The following ERF variants were observed in gnomAD, a reference collection of about 807,000 sequenced individuals.
The protein encoded by ERF is ETS domain-containing transcription factor ERF.
Under a neutral mutation model 41.6 loss-of-function variants are expected in ERF, and 10 were observed. The observed-to-expected ratio is 0.24, with a 90% CI of 0.15 to 0.41. ERF has a LOEUF of 0.41. ERF is among the 10% of genes least tolerant of loss of function. ERF has a pLI of 1.00. For synonymous variants in ERF, 395 were observed against 342.4 expected (o/e 1.15, Z -1.70); for missense variants, 621 against 763.2 (o/e 0.81, Z 2.19).
chr19:42,251,938 C>T (rs888628152), intron 1 of ERF, among the ~76,000 whole-genome samples: 2 of 152,144 alleles, frequency 1.3e-5, no homozygotes, highest in Non-Finnish European at 2.9e-5. Flanking sequence ...CCCAGCCTTC[C>T]ACCAGCCCCT....
Position 42,248,413 on chromosome 19 carries a change from AG to A in ERF, c.*51del. 7.1e-7 allele frequency: 1 copy of A among 1,413,682 alleles called. No homozygotes were observed. The highest frequency in any genetic ancestry group is 9.2e-7 in the Non-Finnish European group (1 of 1,083,308). 87.6% of individuals were successfully genotyped at this position (1,413,682 alleles called of 1,614,324 possible). A position where few individuals can be genotyped will look rare whatever the true frequency, so the allele number is the denominator to read the frequency against. ...CTCCAGGGCATAGGGGGCTTAAGGC[AG>A]CAAAAGAAGCATGGGGGGTGCGGGG... is the stretch of plus-strand genomic sequence containing the variant. On this transcript the variant is annotated 3_prime_UTR_variant, in exon 4 of 4. Coordinates refer to ENST00000222329, the MANE Select transcript of ERF (RefSeq NM_006494.4). This position sits in a 1 kb window ranked among gnomAD's most constrained non-coding sequence, Gnocchi z 4.2.
Position 42,250,027 on chromosome 19 carries a change from G to C in ERF, c.258-85C>G, listed in dbSNP as rs2036418078. On this transcript the variant is annotated intron_variant, in intron 2 of 3. Coordinates refer to ENST00000222329, the MANE Select transcript of ERF (RefSeq NM_006494.4). This position sits in a 1 kb window ranked among gnomAD's most constrained non-coding sequence, Gnocchi z 5.1. ...ACACCTTAACACGCACTTAGGTGTG[G>C]TTCCCAAAGGCCAACTGAGGAACGT... 2 of 1,320,382 alleles carry C rather than the reference G, an allele frequency of 1.5e-6. No homozygotes were observed. Among genetic ancestry groups the C allele is most frequent in the African/African-American group, 2.9e-5 (2 of 68,998 alleles). The allele number at this position is 1,320,382 out of a possible 1,614,324, so 81.8% of individuals were successfully genotyped here. A position where few individuals can be genotyped will look rare whatever the true frequency, so the allele number is the denominator to read the frequency against.
intron 1 of ERF, among the ~76,000 whole-genome samples, chr19:42,252,996 G>A (rs762551750): frequency 2.0e-5 from 3 of 152,198 alleles, no homozygotes; most frequent in African/African-American, 7.2e-5. Context: ...GAGTGCAGAA[G>A]TGGCAGCAGT....
At chr19:42,252,034 C>T (rs150655724) in intron 1 of ERF, among the ~76,000 whole-genome samples, 7 of 152,310 alleles carry the variant, frequency 4.6e-5, no homozygotes, top group African/African-American at 7.2e-5. Flanking sequence ...CCTTTGACAA[C>T]CCCTTCCAGA....
Position 42,248,458 on chromosome 19 carries a change from A to G in ERF, c.*7T>C. On this transcript the variant is annotated 3_prime_UTR_variant, in exon 4 of 4. Transcript: ENST00000222329. The surrounding 1 kb of genome is among the most constrained non-coding windows in gnomAD (Gnocchi z 4.2). ...TGCGGGGCACACAGGTCCCCTGCCC[A>G]CAGCCCTCAGGAGTCTCGGTGCTCC... 1 of 1,483,354 alleles carries G rather than the reference A, an allele frequency of 6.7e-7. No individual in the cohort carries two copies. The highest frequency in any genetic ancestry group is 8.9e-7 in the Non-Finnish European group (1 of 1,117,402). 91.9% of individuals were successfully genotyped at this position (1,483,354 alleles called of 1,614,324 possible). A position where few individuals can be genotyped will look rare whatever the true frequency, so the allele number is the denominator to read the frequency against.
At chr19:42,254,253 C>T (rs1170880242) in intron 1 of ERF, among the ~76,000 whole-genome samples, 2 of 151,670 alleles carry the variant, frequency 1.3e-5, no homozygotes, top group Non-Finnish European at 2.9e-5. Flanking sequence ...CTGCGTCTCC[C>T]CCCACCTTCC....
chr19:42,253,827 G>A (rs866779804), intron 1 of ERF: 2 of 999,870 alleles, frequency 2.0e-6, no homozygotes, highest in Non-Finnish European at 2.4e-6. Flanking sequence ...TGGGTGGGCC[G>A]GTCGGGGCAC....
At chr19:42,253,803 G>GGGT in intron 1 of ERF, 2 of 886,752 alleles carry the variant, frequency 2.3e-6, no homozygotes, top group Non-Finnish European at 1.4e-6. Context: ...GAATGGGGTG[G>GGGT]GGATGGGGTG....
At chr19:42,252,193 T>C (rs4141062) in intron 1 of ERF, among the ~76,000 whole-genome samples, 10,232 of 152,174 alleles carry the variant, frequency 0.067, 445 homozygotes, top group South Asian at 0.18. Flanking sequence ...TGGACCCTCA[T>C]ATCCCCTCCA....
intron 1 of ERF, chr19:42,254,522 G>C (rs1001092823): frequency 1.3e-5 from 2 of 155,328 alleles, no homozygotes; most frequent in African/African-American, 4.8e-5. Flanking sequence ...AGGCCATCCC[G>C]TATCCCCCGC....
chr19:42,253,311 A>G (rs2036475520), intron 1 of ERF, among the ~76,000 whole-genome samples: 2 of 152,104 alleles, frequency 1.3e-5, no homozygotes, highest in African/African-American at 4.8e-5. Context: ...CGGCAGAGAG[A>G]GGGACCGGGA....
Position 42,249,668 on chromosome 19 carries a change from C to T in ERF, c.444G>A (p.Thr148=), listed in dbSNP as rs1310784803. The change falls in exon 4 of 4, where the codon ACG becomes ACA. Residue 148 remains threonine (T), a synonymous_variant. Coordinates refer to ENST00000222329, the MANE Select transcript of ERF (RefSeq NM_006494.4). This position sits in a 1 kb window ranked among gnomAD's most constrained non-coding sequence, Gnocchi z 8.6. The part of the protein sequence containing the change: ...GGSHFRFPPS[T]PSEVLSPTED... ...CGGTGGGGGACAGCACCTCGGAGGG[C>T]GTTGAGGGAGGGAAGCGGAAGTGGC... The T allele has an allele frequency of 1.9e-6, 3 of 1,602,766 alleles. No homozygotes were observed. The highest frequency in any genetic ancestry group is 1.3e-5 in the African/African-American group (1 of 74,724).
intron 1 of ERF, chr19:42,254,481 C>G (rs1406761298): frequency 1.3e-5 from 2 of 153,202 alleles, no homozygotes; most frequent in African/African-American, 4.8e-5. Context: ...GACCCCGAGT[C>G]CCGGGCTCCC....
In ERF at chr19:42,249,484, C is replaced by T; in HGVS notation, c.628G>A (p.Gly210Ser). ...LGEDPRARPP[G>S]PPDLGAFRGP... ...CGGAAGGCACCCAGATCCGGAGGGCCGGGTGGTCGGGCGCGGGGATCCTCT... is the reference window on the plus strand; with the variant it reads ...CGGAAGGCACCCAGATCCGGAGGGCTGGGTGGTCGGGCGCGGGGATCCTCT... Residue 210 changes from glycine (G) to serine (S), a missense_variant, in exon 4 of 4, where the codon GGC becomes AGC. Physicochemically the swap from Gly to Ser is moderately conservative, Grantham distance 56. Transcript: ENST00000222329. The surrounding 1 kb of genome is among the most constrained non-coding windows in gnomAD (Gnocchi z 8.6). 1 of 1,608,502 alleles carries T rather than the reference C, an allele frequency of 6.2e-7. No individual in the cohort carries two copies. Among genetic ancestry groups the T allele is most frequent in the Non-Finnish European group, 8.5e-7 (1 of 1,178,012 alleles).
intron 1 of ERF, chr19:42,253,754 C>G (rs936670878): frequency 1.2e-5 from 7 of 606,756 alleles, no homozygotes; most frequent in Middle Eastern, 8.0e-4. Context: ...AAGCCGCCCC[C>G]ACCCGCCGAG....
At position 42,249,231 on chromosome 19, in the gene ERF, G is replaced by A. The variant is rs746988019; in HGVS notation, c.881C>T (p.Pro294Leu). The change falls in exon 4 of 4, where the codon CCC becomes CTC. Residue 294 changes from proline (P) to leucine (L), a missense_variant. Pro to Leu is a moderately conservative substitution (Grantham distance 98). Around this residue, in one of 3 missense-constraint regions of ERF, gnomAD observed 569 missense variants for 625.5 expected, o/e 0.91. Coordinates refer to ENST00000222329, the MANE Select transcript of ERF (RefSeq NM_006494.4). This position sits in a 1 kb window ranked among gnomAD's most constrained non-coding sequence, Gnocchi z 8.6. ...SPMYPSGGGG[P>L]SGSGGGSHFS... ...GTGGGAGCCTCCCCCTGAGCCGCTG[G>A]GCCCCCCGCCACCACTGGGGTACAT... 2.0e-5 allele frequency: 33 copies of A among 1,613,160 alleles called. No homozygotes were observed. Among genetic ancestry groups the A allele is most frequent in the Non-Finnish European group, 2.7e-5 (32 of 1,179,666 alleles).
intron 1 of ERF, 134 bp downstream of exon 1, chr19:42,254,844 C>A: frequency 9.6e-7 from 1 of 1,045,116 alleles, no homozygotes; most frequent in Non-Finnish European, 1.3e-6. Flanking sequence ...AGCAACAGGT[C>A]TCCAGTGCTT....
At position 42,249,403 on chromosome 19, in the gene ERF, G is replaced by A. The variant is rs762723221; in HGVS notation, c.709C>T (p.Arg237Trp). The change falls in exon 4 of 4, where the codon CGG becomes TGG. Residue 237 changes from arginine to tryptophan, a missense_variant. By Grantham distance (101) the Arg-to-Trp change is moderately radical. Around this residue, in one of 3 missense-constraint regions of ERF, gnomAD observed 569 missense variants for 625.5 expected, o/e 0.91. Transcript: ENST00000222329. The surrounding 1 kb of genome is among the most constrained non-coding windows in gnomAD (Gnocchi z 8.6). ...HDPGVFRVYP[R>W]PRGGPEPLSP... ...AGGGGTTCAGGGCCACCCCGAGGCC[G>A]GGGATAGACTCGGAAGACACCAGGG... 1.7e-5 allele frequency: 27 copies of A among 1,579,074 alleles called. No individual in the cohort carries two copies. The highest frequency in any genetic ancestry group is 2.1e-5 in the Non-Finnish European group (25 of 1,163,088).
chr19:42,251,359 C>A (rs913154939), intron 1 of ERF: 8 of 985,534 alleles, frequency 8.1e-6, no homozygotes, highest in Non-Finnish European at 9.6e-6. Flanking sequence ...TCCTTCCCTG[C>A]CCACCTGCCT....
Sources: gnomAD v4.1 joint callset for allele counts (sites outside exome capture counted in the v4.1 genomes callset) on GRCh38, gnomAD v4.1.1 for gene constraint, gnomAD v4.1.1 regional missense constraint, Gnocchi (gnomAD v3.1) non-coding constraint, MANE v1.5 for transcripts, NCBI Gene and HGNC (gene_info 2026-07-23, HGNC 2026-07-21) for gene names.